The following PFKFB4 variants were observed in gnomAD, a reference collection of about 807,000 sequenced individuals.
PFKFB4 encodes the protein 6-phosphofructo-2-kinase/fructose-2,6-biphosphatase 4.
In PFKFB4, 42 loss-of-function variants were observed where a neutral mutation model predicts 62.8. That is an observed-to-expected ratio of 0.67 (90% CI 0.52 to 0.86). The LOEUF (loss-of-function observed/expected upper bound fraction) is 0.86. Ranked by LOEUF, PFKFB4 falls within the 40% of genes least tolerant of loss-of-function variation. PFKFB4 has a pLI of 0.00. For synonymous variants in PFKFB4, 204 were observed against 240.7 expected, an observed-to-expected ratio of 0.85 and a Z score of 1.41; for missense variants, 475 against 627.2, an observed-to-expected ratio of 0.76 and a Z score of 2.59.
rs748760155 is a variant in PFKFB4, at chr3:48,525,691, C to T, written c.988-22G>A. Reference sequence around the variant, plus strand: ...CGCCCTAGGGAGATACCACAGTCATCACACCTCCTACAGGCCCAGAAGATG... The same window carrying T: ...CGCCCTAGGGAGATACCACAGTCATTACACCTCCTACAGGCCCAGAAGATG... On this transcript the variant is annotated intron_variant, in intron 9 of 13. Transcript: ENST00000232375. 4.3e-6 allele frequency: 6 copies of T among 1,397,726 alleles called. No individual in the cohort carries two copies. In the Admixed American group the frequency reaches 8.9e-5, roughly 21 times the overall value. The allele number at this position is 1,397,726 out of a possible 1,614,324, so 86.6% of individuals were successfully genotyped here.
chr3:48,535,872 C>T (rs745951668), intron 8 of PFKFB4, among the ~76,000 whole-genome samples: 1 of 152,230 alleles, frequency 6.6e-6, no homozygotes, highest in African/African-American at 2.4e-5. Flanking sequence ...CACAGCAGCA[C>T]AGTTACAGCT....
chr3:48,548,993 G>C (rs1036543429), intron 3 of PFKFB4, among the ~76,000 whole-genome samples: 8 of 152,110 alleles, frequency 5.3e-5, no homozygotes, highest in South Asian at 2.1e-4. Flanking sequence ...GCTTGATTTG[G>C]GGAAGTCACT....
At chr3:48,532,463 C>G (rs978755054) in intron 9 of PFKFB4, among the ~76,000 whole-genome samples, 1 of 152,124 alleles carries the variant, frequency 6.6e-6, no homozygotes, top group Non-Finnish European at 1.5e-5. Context: ...TCCACAATAG[C>G]TAAAAAGTGG....
At chr3:48,527,684 C>CTTT (rs1180697646) in intron 9 of PFKFB4, among the ~76,000 whole-genome samples, 22 of 121,192 alleles carry the variant, frequency 1.8e-4, no homozygotes, top group Middle Eastern at 4.6e-3. Context: ...CGTCCATCAT[C>CTTT]TTTTTTTTTT....
chr3:48,532,781 G>C (rs964551185), intron 9 of PFKFB4, among the ~76,000 whole-genome samples: 2 of 152,178 alleles, frequency 1.3e-5, no homozygotes, highest in Admixed American at 1.3e-4. Context: ...AGGAGTTTGA[G>C]GCTGCAGTGA....
At chr3:48,549,567 C>T (rs1196278007) in intron 3 of PFKFB4, among the ~76,000 whole-genome samples, 1 of 152,154 alleles carries the variant, frequency 6.6e-6, no homozygotes, top group Non-Finnish European at 1.5e-5. Context: ...GGTTCCTTAA[C>T]CCCAGGGCAG....
Position 48,556,764 on chromosome 3 carries a change from C to A in PFKFB4, c.14G>T (p.Arg5Leu), listed in dbSNP as rs767505537. The change falls in exon 1 of 14, where the codon CGG becomes CTG. Residue 5 changes from arginine (R) to leucine (L), a missense_variant. Coordinates refer to ENST00000232375, the MANE Select transcript of PFKFB4 (RefSeq NM_004567.4). This position sits in a 1 kb window ranked among gnomAD's most constrained non-coding sequence, Gnocchi z 5.7. MASP[R>L]ELTQNPLKKI... is the part of the protein sequence containing the mutation. ...CTTCAGGGGGTTCTGTGTCAATTCC[C>A]GTGGGGACGCCATCCCGGGGCCGGG... 6.2e-6 allele frequency: 10 copies of A among 1,601,486 alleles called. No homozygotes were observed. Among genetic ancestry groups the A allele is most frequent in the Non-Finnish European group, 8.5e-6 (10 of 1,174,298 alleles).
chr3:48,521,734 G>C lies in PFKFB4; in HGVS notation c.1350+252C>G, dbSNP rs965311664. 1.3e-5 allele frequency among the ~76,000 whole-genome samples: 2 copies of C among 152,176 alleles called. No individual in the cohort carries two copies. The highest frequency in any genetic ancestry group is 2.9e-5 in the Non-Finnish European group (2 of 68,018). The stretch of plus-strand genomic sequence containing the variant: ...GTCCTGGGGCTCCAACCACACCCAA[G>C]TTCAGGCACTCCTGAGCCTGGTGGC... On this transcript the variant is annotated intron_variant, in intron 13 of 13. Coordinates refer to ENST00000232375, the MANE Select transcript of PFKFB4 (RefSeq NM_004567.4). This position sits in a 1 kb window ranked among gnomAD's most constrained non-coding sequence, Gnocchi z 5.3.
At chr3:48,562,714 T>C (rs1011777076), upstream of PFKFB4, 32 of 1,396,636 alleles carry the variant, frequency 2.3e-5, no homozygotes, top group Admixed American at 7.0e-5. This position sits in a 1 kb window ranked among gnomAD's most constrained non-coding sequence, Gnocchi z 4.3. Flanking sequence ...GCAGCATCCG[T>C]CCAGCTGTGT....
At chr3:48,541,402 TA>T (rs2042794436) in intron 4 of PFKFB4, among the ~76,000 whole-genome samples, 1 of 152,100 alleles carries the variant, frequency 6.6e-6, no homozygotes, top group African/African-American at 2.4e-5. Context: ...GTGCTGGGAT[TA>T]CAGGTGTGAG....
intron 1 of PFKFB4, among the ~76,000 whole-genome samples, chr3:48,555,291 T>C (rs1429859280): frequency 6.6e-6 from 1 of 152,030 alleles, no homozygotes; most frequent in Non-Finnish European, 1.5e-5. Context: ...CACGACTTGG[T>C]CTGGTCAGAA....
At chr3:48,543,991 GC>G (rs532957386) in intron 3 of PFKFB4, among the ~76,000 whole-genome samples, 113 of 145,344 alleles carry the variant, frequency 7.8e-4, no homozygotes, top group South Asian at 3.5e-3. Flanking sequence ...ATCAAAATAA[GC>G]CCCCCCCCGC....
intron 9 of PFKFB4, among the ~76,000 whole-genome samples, chr3:48,532,671 T>G (rs1360640462): frequency 6.6e-6 from 1 of 152,152 alleles, no homozygotes; most frequent in Non-Finnish European, 1.5e-5. Flanking sequence ...GGCAATATAG[T>G]GAGCCTCCCT....
chr3:48,548,667 A>T (rs2043037109), intron 3 of PFKFB4: 2 of 152,192 alleles, frequency 1.3e-5, no homozygotes, highest in African/African-American at 4.8e-5. Context: ...CATCTGTAAA[A>T]GTAGGGGGTG....
At chr3:48,537,097 T>C (rs978754170) in intron 7 of PFKFB4, among the ~76,000 whole-genome samples, 1 of 152,160 alleles carries the variant, frequency 6.6e-6, no homozygotes, top group Non-Finnish European at 1.5e-5. Context: ...TTCCCTACTC[T>C]GGACCTATGT....
At chr3:48,536,049 A>G (rs1357961528) in intron 8 of PFKFB4, among the ~76,000 whole-genome samples, 1 of 152,242 alleles carries the variant, frequency 6.6e-6, no homozygotes, top group African/African-American at 2.4e-5. Context: ...GACAGCTCAC[A>G]TGGAAACCAG....
chr3:48,539,232 C>G (rs765455148), intron 6 of PFKFB4, 22 bp downstream of exon 6: 1 of 1,594,734 alleles, frequency 6.3e-7, no homozygotes, highest in South Asian at 1.1e-5. Flanking sequence ...GACCTTCTGA[C>G]AAGGTCAGAT....
At chr3:48,553,244 C>T (rs2043210533) in intron 1 of PFKFB4, among the ~76,000 whole-genome samples, 1 of 152,206 alleles carries the variant, frequency 6.6e-6, no homozygotes, top group Non-Finnish European at 1.5e-5. Flanking sequence ...GAGGCCGAGG[C>T]AGGCAGATCA....
At chr3:48,555,817 T>C (rs2043296934) in intron 1 of PFKFB4, among the ~76,000 whole-genome samples, 1 of 152,016 alleles carries the variant, frequency 6.6e-6, no homozygotes, top group Admixed American at 6.6e-5. Flanking sequence ...GGTGGGAGGA[T>C]TGCTTGAGCC....
Sources: gnomAD v4.1 joint callset for allele counts (sites outside exome capture counted in the v4.1 genomes callset) on GRCh38, gnomAD v4.1.1 for gene constraint, Gnocchi (gnomAD v3.1) non-coding constraint, MANE v1.5 for transcripts, NCBI Gene and HGNC (gene_info 2026-07-23, HGNC 2026-07-21) for gene names.